PCDHGA2: variants seen among roughly 807,000 people sequenced by gnomAD.
PCDHGA2 encodes protocadherin gamma subfamily A, 2.
A neutral mutation model predicts 59.2 loss-of-function variants in PCDHGA2; 40 were observed. The observed-to-expected ratio is 0.68, with a 90% confidence interval of 0.52 to 0.88. The LOEUF is 0.88. Ranked by LOEUF, PCDHGA2 falls within the 40% of genes least tolerant of loss-of-function variation. The pLI is 0.00. For synonymous variants in PCDHGA2, 560 were observed against 526.0 expected (o/e 1.06, Z -0.89); for missense variants, 1,226 against 1,204.0 (o/e 1.02, Z -0.27).
chr5:141,473,362 C>G (rs2099320242), intron 1 of PCDHGA2, among the ~76,000 whole-genome samples: 1 of 152,166 alleles, frequency 6.6e-6, no homozygotes, highest in South Asian at 2.1e-4. Flanking sequence ...AAGTGGCCAC[C>G]AAAATAGCAT....
intron 1 of PCDHGA2, among the ~76,000 whole-genome samples, chr5:141,445,834 T>G (rs1310067225): frequency 6.6e-6 from 1 of 152,218 alleles, no homozygotes; most frequent in Middle Eastern, 3.2e-3. Context: ...GGGAGAGCCT[T>G]GTAAATCACA....
chr5:141,500,434 C>T (rs1216731905), intron 2 of PCDHGA2, among the ~76,000 whole-genome samples: 1 of 152,014 alleles, frequency 6.6e-6, no homozygotes, highest in Non-Finnish European at 1.5e-5. Flanking sequence ...TGGTCTCGAT[C>T]TCCTGACCTC....
intron 1 of PCDHGA2, chr5:141,408,653 C>T (rs1589679123): frequency 6.2e-7 from 1 of 1,613,982 alleles, no homozygotes; most frequent in African/African-American, 1.3e-5. Context: ...CGCTGGTACA[C>T]GACTATCGCT....
Position 141,432,036 on chromosome 5 carries a change from AC to A in PCDHGA2, c.2425-62769del, listed in dbSNP as rs1419691535. The A allele has an allele frequency of 6.2e-7, 1 of 1,614,218 alleles. No individual in the cohort carries two copies. The highest frequency in any genetic ancestry group is 1.3e-5 in the African/African-American group (1 of 75,048). On this transcript the variant is annotated intron_variant, in intron 1 of 3. Coordinates refer to ENST00000394576, the MANE Select transcript of PCDHGA2 (RefSeq NM_018915.4). This position sits in a 1 kb window ranked among gnomAD's most constrained non-coding sequence, Gnocchi z 6.0. ...TACAACATCACAGTGACCGCCACTG[AC>A]CGGGGAACCCCGCCCCTATCCACGG...
intron 1 of PCDHGA2, among the ~76,000 whole-genome samples, chr5:141,463,948 C>A (rs1397198849): frequency 6.6e-6 from 1 of 151,846 alleles, no homozygotes; most frequent in Non-Finnish European, 1.5e-5. Context: ...TAGAAATCTT[C>A]ATTTTTAAAA....
chr5:141,394,138 T>C (rs1360282699), intron 1 of PCDHGA2: 1 of 1,613,860 alleles, frequency 6.2e-7, no homozygotes. Flanking sequence ...GCTCTGCACG[T>C]GGCAGACATT....
chr5:141,384,864 A>G (rs202180798), intron 1 of PCDHGA2: 3 of 1,613,702 alleles, frequency 1.9e-6, no homozygotes, highest in Non-Finnish European at 2.5e-6. Flanking sequence ...CTCCTCTGTC[A>G]GCCACCGTCA....
chr5:141,428,618 T>G (rs554092834), intron 1 of PCDHGA2: 12 of 206,130 alleles, frequency 5.8e-5, no homozygotes, highest in Admixed American at 2.6e-4. Context: ...AATAACAAGA[T>G]AAGCTCTAAC....
chr5:141,433,671 A>G (rs1376085577), intron 1 of PCDHGA2, among the ~76,000 whole-genome samples: 12 of 152,058 alleles, frequency 7.9e-5, no homozygotes, highest in Admixed American at 7.2e-4. Flanking sequence ...CCCCGTCTAT[A>G]CTAAAAAAAT....
rs542548063 is a variant in PCDHGA2, at chr5:141,412,999, C to T, written c.2424+71604C>T. On this transcript the variant is annotated intron_variant, in intron 1 of 3. Coordinates refer to ENST00000394576, the MANE Select transcript of PCDHGA2 (RefSeq NM_018915.4). Reference sequence around the variant, plus strand: ...GCAGCCAGAGCTCAATCCGGATTCTCAGGGCTTCAACTACACAAGCCCCAC... The same window carrying T: ...GCAGCCAGAGCTCAATCCGGATTCTTAGGGCTTCAACTACACAAGCCCCAC... 150 of 588,234 alleles carry T rather than the reference C, an allele frequency of 2.6e-4. 1 individual carries two copies. In the South Asian group the frequency reaches 3.6e-3, roughly 14 times the overall value. 36.4% of individuals were successfully genotyped at this position (588,234 alleles called of 1,614,324 possible). A position where few individuals can be genotyped will look rare whatever the true frequency, so the allele number is the denominator to read the frequency against.
At chr5:141,506,898 T>C (rs2099857040) in intron 3 of PCDHGA2, among the ~76,000 whole-genome samples, 1 of 152,260 alleles carries the variant, frequency 6.6e-6, no homozygotes, top group East Asian at 1.9e-4. Context: ...AGAAGCACTG[T>C]CATCACACCT....
rs1230103133 is a variant in PCDHGA2, at chr5:141,357,488, C to T, written c.2424+16093C>T. ...CACGAGGTCTCCCTCACCGCGGACT[C>T]GCGGAAGAGTCACCTGATCTTCTCC... On this transcript the variant is annotated intron_variant, in intron 1 of 3. Coordinates refer to ENST00000394576, the MANE Select transcript of PCDHGA2 (RefSeq NM_018915.4). 6.8e-6 allele frequency: 11 copies of T among 1,614,100 alleles called. No individual in the cohort carries two copies. The East Asian group carries it at 2.2e-4, about 33-fold the overall frequency.
In PCDHGA2 at chr5:141,383,791, A is replaced by G. The variant is rs763044850; in HGVS notation, c.2424+42396A>G. 4 of 1,613,998 alleles carry G rather than the reference A, an allele frequency of 2.5e-6. No homozygotes were observed. In the South Asian group the frequency reaches 4.4e-5, roughly 18 times the overall value. On this transcript the variant is annotated intron_variant, in intron 1 of 3. Transcript: ENST00000394576. ...AAAGATGTTTCATCTGAACTCGCTT[A>G]CAGGAGAAATATCAACTTTAGAAGG...
chr5:141,397,284 C>G (rs185201660), intron 1 of PCDHGA2, among the ~76,000 whole-genome samples: 47 of 152,188 alleles, frequency 3.1e-4, no homozygotes, highest in African/African-American at 1.1e-3. Context: ...GGGCAGTATA[C>G]TTGAATGAAT....
chr5:141,459,992 C>T (rs1327580257), intron 1 of PCDHGA2, among the ~76,000 whole-genome samples: 1 of 152,126 alleles, frequency 6.6e-6, no homozygotes, highest in Admixed American at 6.5e-5. Flanking sequence ...ACAGGAGAAT[C>T]GCTTGAACCC....
chr5:141,362,229 G>T, intron 1 of PCDHGA2: 2 of 1,614,030 alleles, frequency 1.2e-6, no homozygotes, highest in Non-Finnish European at 1.7e-6. Context: ...CCTTGGCCTT[G>T]ATCTCAGTGC....
chr5:141,480,712 A>G (rs559266864), intron 1 of PCDHGA2, among the ~76,000 whole-genome samples: 13 of 152,306 alleles, frequency 8.5e-5, no homozygotes, highest in African/African-American at 2.9e-4. Context: ...CCGACAAATG[A>G]AAGCACAGTC....
chr5:141,436,193 A>G (rs2097801112), intron 1 of PCDHGA2, among the ~76,000 whole-genome samples: 1 of 152,156 alleles, frequency 6.6e-6, no homozygotes, highest in South Asian at 2.1e-4. Flanking sequence ...AAATAGAAAG[A>G]AAGACATAAT....
chr5:141,414,210 T>C (rs1252033650), intron 1 of PCDHGA2: 1 of 1,612,706 alleles, frequency 6.2e-7, no homozygotes, highest in East Asian at 2.2e-5. Flanking sequence ...AAGATGTAAA[T>C]GACAACAGTC....
Sources: allele counts gnomAD v4.1 joint callset (sites outside exome capture counted in the v4.1 genomes callset), GRCh38; gene constraint gnomAD v4.1.1; non-coding constraint Gnocchi (gnomAD v3.1); transcripts MANE v1.5; gene names NCBI Gene and HGNC (gene_info 2026-07-23, HGNC 2026-07-21).